SLC45A2: variants seen among roughly 807,000 people sequenced by gnomAD.
SLC45A2 encodes the protein solute carrier family 45 member 2.
A neutral mutation model predicts 45.5 loss-of-function variants in SLC45A2; 36 were observed. The observed-to-expected ratio is 0.79, with a 90% CI of 0.61 to 1.04. The LOEUF is 1.04. Among genes scored for constraint, SLC45A2 ranks in the 50% least tolerant of loss-of-function variants. The pLI is 0.00. For missense variants in SLC45A2, 719 were observed against 671.0 expected, an observed-to-expected ratio of 1.07 and a Z score of -0.79; for synonymous variants, 306 against 269.3, an observed-to-expected ratio of 1.14 and a Z score of -1.33.
chr5:33,951,479 C>T, intron 5 of SLC45A2, 75 bp downstream of exon 5: 1 of 1,610,336 alleles, frequency 6.2e-7, no homozygotes, highest in South Asian at 1.1e-5. Context: ...AGGAAATACA[C>T]ATAGAAATAT....
intron 3 of SLC45A2, among the ~76,000 whole-genome samples, chr5:33,961,551 C>T (rs1455551411): frequency 6.6e-6 from 1 of 152,180 alleles, no homozygotes; most frequent in African/African-American, 2.4e-5. Flanking sequence ...TCCTAACTAT[C>T]ATTCAAGGCA....
At chr5:33,952,117 GTATT>G (rs1205852370) in intron 4 of SLC45A2, among the ~76,000 whole-genome samples, 1 of 151,986 alleles carries the variant, frequency 6.6e-6, no homozygotes, top group Non-Finnish European at 1.5e-5. Flanking sequence ...TTTTTTATGT[GTATT>G]TATTATCATA....
intron 2 of SLC45A2, among the ~76,000 whole-genome samples, chr5:33,966,486 T>A (rs919532840): frequency 7.0e-6 from 1 of 141,974 alleles, no homozygotes; most frequent in Non-Finnish European, 1.5e-5. Context: ...CAGGCCGGAC[T>A]GCGGACTGCA....
chr5:33,965,223 A>G (rs996677138), intron 2 of SLC45A2, among the ~76,000 whole-genome samples: 3 of 152,214 alleles, frequency 2.0e-5, no homozygotes, highest in African/African-American at 7.2e-5. Context: ...CTAGAGAATC[A>G]AGGAAGAAAA....
At chr5:33,975,509 A>G (rs1752903905) in intron 2 of SLC45A2, among the ~76,000 whole-genome samples, 1 of 152,238 alleles carries the variant, frequency 6.6e-6, no homozygotes, top group Non-Finnish European at 1.5e-5. Context: ...ACTCCAAAAT[A>G]TAATTATCCT....
At chr5:33,952,739 T>G (rs1752151874) in intron 4 of SLC45A2, among the ~76,000 whole-genome samples, 2 of 143,566 alleles carry the variant, frequency 1.4e-5, no homozygotes, top group Admixed American at 6.9e-5. Flanking sequence ...CATGTGCACA[T>G]TGTGCAGGTT....
intron 6 of SLC45A2, chr5:33,945,988 T>G: frequency 2.0e-6 from 2 of 985,444 alleles, no homozygotes; most frequent in Non-Finnish European, 2.4e-6. Flanking sequence ...AGTGTGCACT[T>G]TTGTGTATCA....
intron 2 of SLC45A2, among the ~76,000 whole-genome samples, chr5:33,969,957 GAACT>G (rs1463836414): frequency 6.6e-6 from 1 of 152,180 alleles, no homozygotes; most frequent in African/African-American, 2.4e-5. Flanking sequence ...AAAGTTTACA[GAACT>G]AATATTTCCA....
intron 2 of SLC45A2, among the ~76,000 whole-genome samples, chr5:33,966,071 A>G (rs1164333324): frequency 6.6e-6 from 1 of 152,228 alleles, no homozygotes; most frequent in Non-Finnish European, 1.5e-5. Flanking sequence ...CAGTTGGAAG[A>G]ATATAGAGCA....
At position 33,984,324 on chromosome 5, in the gene SLC45A2, A is replaced by G. The variant is rs1427926248; in HGVS notation, c.260T>C (p.Val87Ala). The change falls in exon 1 of 7, where the codon GTG becomes GCG. Residue 87 changes from valine (V) to alanine (A), a missense_variant. Coordinates refer to ENST00000296589, the MANE Select transcript of SLC45A2 (RefSeq NM_016180.5). ...SPILGFLLQP[V>A]VGSASDHCRS... The stretch of plus-strand genomic sequence containing the variant: ...GCAGTGGTCGCTGGCCGATCCGACC[A>G]CGGGCTGCAGCAGGAATCCCAGGAT... 4 of 1,614,126 alleles carry G rather than the reference A, an allele frequency of 2.5e-6. No homozygotes were observed. Among genetic ancestry groups the G allele is most frequent in the Non-Finnish European group, 3.4e-6 (4 of 1,180,008 alleles).
chr5:33,973,075 G>A (rs1043200242), intron 2 of SLC45A2, among the ~76,000 whole-genome samples: 2 of 152,200 alleles, frequency 1.3e-5, no homozygotes, highest in Non-Finnish European at 2.9e-5. Context: ...TGTGATGGGA[G>A]TCAGGGCTGG....
intron 2 of SLC45A2, among the ~76,000 whole-genome samples, chr5:33,980,976 T>G (rs1259125278): frequency 6.6e-6 from 1 of 151,968 alleles, no homozygotes; most frequent in Non-Finnish European, 1.5e-5. Context: ...GGGGCAGGTA[T>G]GATGGGCTGG....
chr5:33,974,229 T>C (rs2111992556), intron 2 of SLC45A2, among the ~76,000 whole-genome samples: 1 of 152,278 alleles, frequency 6.6e-6, no homozygotes, highest in Admixed American at 6.5e-5. Context: ...AAACCTACCA[T>C]GGCTACCACA....
At position 33,944,818 on chromosome 5, in the gene SLC45A2, C is replaced by T; in HGVS notation, c.1423G>A (p.Asp475Asn). The T allele has an allele frequency of 6.2e-7, 1 of 1,614,174 alleles. No individual in the cohort carries two copies. Among genetic ancestry groups the T allele is most frequent in the Non-Finnish European group, 8.5e-7 (1 of 1,180,018 alleles). Reference sequence around the variant, plus strand: ...ACCATGCATGTGAGGGTGGCGCAGTCCATGCCCTTCCCTCTCACGCTGTTG... The same window carrying T: ...ACCATGCATGTGAGGGTGGCGCAGTTCATGCCCTTCCCTCTCACGCTGTTG... ...PDNSVRGKGM[D>N]CATLTCMVQL... The change falls in exon 7 of 7, where the codon GAC (aspartate) becomes AAC (asparagine). Residue 475 changes from aspartate to asparagine, a missense_variant. By Grantham distance (23) the Asp-to-Asn change is conservative. Coordinates refer to ENST00000296589, the MANE Select transcript of SLC45A2 (RefSeq NM_016180.5).
intron 2 of SLC45A2, among the ~76,000 whole-genome samples, chr5:33,977,175 C>G (rs546685418): frequency 6.6e-6 from 1 of 152,206 alleles, no homozygotes; most frequent in African/African-American, 2.4e-5. Flanking sequence ...TGTCTGCCAG[C>G]CAGGAAGAGA....
intron 3 of SLC45A2, among the ~76,000 whole-genome samples, chr5:33,962,221 G>T (rs1056640771): frequency 6.6e-6 from 1 of 152,150 alleles, no homozygotes; most frequent in Admixed American, 6.5e-5. Flanking sequence ...CACGTGTTAG[G>T]CTGCAAATTC....
rs1386016488 is a variant in SLC45A2, at chr5:33,947,061, AC to A, written c.1368+101del. 25 of 1,611,948 alleles carry A rather than the reference AC, an allele frequency of 1.6e-5. No individual in the cohort carries two copies. In the Admixed American group the frequency reaches 3.7e-4, roughly 24 times the overall value. On this transcript the variant is annotated intron_variant, in intron 6 of 6. Transcript: ENST00000296589. ...GCATTTGACTGTTGCTGTTTCAAGA[AC>A]CCTTATTTTCCAGCTCTGCTCTACA... is the stretch of plus-strand genomic sequence containing the variant.
chr5:33,972,047 T>C (rs1382707424), intron 2 of SLC45A2: 3 of 478,254 alleles, frequency 6.3e-6, no homozygotes, highest in African/African-American at 3.9e-5. Context: ...TGGCCAGGAC[T>C]GCAATTTCTT....
chr5:33,946,066 C>T (rs1751916498), intron 6 of SLC45A2: 3 of 985,418 alleles, frequency 3.0e-6, no homozygotes, highest in Non-Finnish European at 3.6e-6. Context: ...AAGTAAATAA[C>T]ATCCCCAGTG....
Sources: gnomAD v4.1 joint callset for allele counts (sites outside exome capture counted in the v4.1 genomes callset) on GRCh38, gnomAD v4.1.1 for gene constraint, MANE v1.5 for transcripts, NCBI Gene and HGNC (gene_info 2026-07-23, HGNC 2026-07-21) for gene names.